The following ADCY8 variants were observed in gnomAD, a reference collection of about 807,000 sequenced individuals.
ADCY8 encodes the protein adenylate cyclase 8, also known as adenylate cyclase type 8.
A neutral mutation model predicts 119.7 loss-of-function variants in ADCY8; 51 were observed. The observed-to-expected ratio is 0.43, with a 90% CI of 0.34 to 0.54. The LOEUF is 0.54. ADCY8 is among the 20% of genes least tolerant of loss of function. The pLI is 0.03. For synonymous variants in ADCY8, 665 were observed against 651.0 expected (o/e 1.02, Z -0.33); for missense variants, 1,383 against 1,598.8 (o/e 0.87, Z 2.30).
chr8:131,018,250 T>C (rs1175507924), intron 1 of ADCY8, among the ~76,000 whole-genome samples: 1 of 152,248 alleles, frequency 6.6e-6, no homozygotes, highest in Non-Finnish European at 1.5e-5. Context: ...TCCCCTCCTT[T>C]TGTTAAAATA....
At chr8:130,884,794 C>T in intron 7 of ADCY8, 33 bp from the exon 8 acceptor site, 1 of 1,591,732 alleles carries the variant, frequency 6.3e-7, no homozygotes, top group Non-Finnish European at 8.6e-7. Flanking sequence ...CACAATAAAC[C>T]TGCTAGTCCC....
At chr8:130,809,157 A>G (rs1177394083) in intron 14 of ADCY8, among the ~76,000 whole-genome samples, 3 of 152,144 alleles carry the variant, frequency 2.0e-5, no homozygotes, top group African/African-American at 7.2e-5. Context: ...GGATGGTTTG[A>G]GTCATCCTTT....
Position 130,882,330 on chromosome 8 carries a change from A to G in ADCY8, c.2109+2234T>C, listed in dbSNP as rs990321290. Among the ~76,000 whole-genome samples the G allele has an allele frequency of 4.6e-5, 7 of 152,052 alleles. No homozygotes were observed. The East Asian group carries it at 9.7e-4, about 21-fold the overall frequency. ...CACAGAGGAACTGCATATTAATGCT[A>G]TTTTCTGATTCTGGAATCCTATGTA... On this transcript the variant is annotated intron_variant, in intron 8 of 17. Transcript: ENST00000286355.
intron 2 of ADCY8, among the ~76,000 whole-genome samples, chr8:130,978,904 G>C (rs768031510): frequency 2.0e-5 from 3 of 152,092 alleles, no homozygotes; most frequent in Non-Finnish European, 2.9e-5. Flanking sequence ...AATTTTGATT[G>C]GATTTTAATG....
chr8:130,944,139 T>C (rs1402370519), intron 3 of ADCY8, among the ~76,000 whole-genome samples: 1 of 152,192 alleles, frequency 6.6e-6, no homozygotes, highest in Non-Finnish European at 1.5e-5. Flanking sequence ...GCCATCCAGT[T>C]ACTCTGTGGG....
chr8:130,862,704 C>T (rs980443511), intron 9 of ADCY8, among the ~76,000 whole-genome samples: 1 of 152,190 alleles, frequency 6.6e-6, no homozygotes, highest in Non-Finnish European at 1.5e-5. Flanking sequence ...TGAGCCACCG[C>T]GCCTGGCCCA....
intron 15 of ADCY8, among the ~76,000 whole-genome samples, chr8:130,794,285 C>T (rs1027049761): frequency 6.6e-6 from 1 of 152,174 alleles, no homozygotes; most frequent in Non-Finnish European, 1.5e-5. Context: ...TGCACTGTTG[C>T]CTGGGCTGGA....
At chr8:130,859,072 G>A (rs542468868) in intron 9 of ADCY8, among the ~76,000 whole-genome samples, 3 of 152,112 alleles carry the variant, frequency 2.0e-5, no homozygotes, top group East Asian at 1.9e-4. Context: ...ATTGGATATC[G>A]GCATTAGAAA....
At chr8:130,782,630 G>C (rs1176198078) in intron 17 of ADCY8, among the ~76,000 whole-genome samples, 1 of 152,124 alleles carries the variant, frequency 6.6e-6, no homozygotes, top group Non-Finnish European at 1.5e-5. Context: ...TTTTATTCCT[G>C]GTTCAATTGT....
chr8:130,923,234 AGAG>A (rs1233705486), intron 5 of ADCY8, among the ~76,000 whole-genome samples: 2 of 152,130 alleles, frequency 1.3e-5, no homozygotes, highest in Non-Finnish European at 2.9e-5. Context: ...AGAAAAGAAA[AGAG>A]GGAGAAGAAG....
intron 3 of ADCY8, among the ~76,000 whole-genome samples, chr8:130,946,622 G>C (rs1020056466): frequency 9.9e-5 from 15 of 152,268 alleles, no homozygotes; most frequent in African/African-American, 3.6e-4. Context: ...AATCATATGT[G>C]GCTAAGTGTG....
At chr8:130,874,391 G>A (rs974556341) in intron 8 of ADCY8, among the ~76,000 whole-genome samples, 5 of 151,918 alleles carry the variant, frequency 3.3e-5, no homozygotes, top group African/African-American at 9.7e-5. Context: ...TAATTGCAAT[G>A]AGACTAATTT....
intron 6 of ADCY8, among the ~76,000 whole-genome samples, chr8:130,904,641 A>T (rs1819722310): frequency 6.6e-6 from 1 of 152,196 alleles, no homozygotes; most frequent in Non-Finnish European, 1.5e-5. Flanking sequence ...CATGTATATT[A>T]TAAGGAGCAA....
chr8:130,785,180 C>CA (rs1258784269), intron 16 of ADCY8, among the ~76,000 whole-genome samples: 1 of 152,198 alleles, frequency 6.6e-6, no homozygotes, highest in Non-Finnish European at 1.5e-5. Flanking sequence ...AGAAGTTTCT[C>CA]AAAAAAGCAG....
chr8:130,941,713 T>C (rs568142535), intron 4 of ADCY8, among the ~76,000 whole-genome samples: 2 of 152,248 alleles, frequency 1.3e-5, no homozygotes, highest in African/African-American at 4.8e-5. Flanking sequence ...TATACTAAGG[T>C]TGCTTGACAA....
At chr8:131,011,909 A>C (rs912875809) in intron 1 of ADCY8, among the ~76,000 whole-genome samples, 1 of 152,134 alleles carries the variant, frequency 6.6e-6, no homozygotes. Context: ...ACCCTCCAGG[A>C]CATAGTGGAC....
intron 2 of ADCY8, among the ~76,000 whole-genome samples, chr8:130,981,395 C>T (rs11776645): frequency 0.022 from 3,322 of 152,264 alleles, 43 homozygotes; most frequent in East Asian, 0.059. Flanking sequence ...TATTTTACTG[C>T]CACTCTTGAA....
At chr8:130,821,177 A>G (rs186157969) in intron 13 of ADCY8, among the ~76,000 whole-genome samples, 165 bp downstream of exon 13, 7 of 152,232 alleles carry the variant, frequency 4.6e-5, no homozygotes, top group Admixed American at 3.9e-4. Context: ...GATCTTCTCC[A>G]GCTTTGTTTT....
chr8:130,968,436 G>A (rs565032315), intron 2 of ADCY8, among the ~76,000 whole-genome samples: 1 of 152,176 alleles, frequency 6.6e-6, no homozygotes. Flanking sequence ...CTCCCAAAGT[G>A]CTGGGATTAC....
Sources: allele counts gnomAD v4.1 joint callset (sites outside exome capture counted in the v4.1 genomes callset), GRCh38; gene constraint gnomAD v4.1.1; transcripts MANE v1.5; gene names NCBI Gene and HGNC (gene_info 2026-07-23, HGNC 2026-07-21).